Variants in AHCTF1 observed in about 807,000 individuals in gnomAD.
AHCTF1 encodes protein ELYS.
In AHCTF1, 24 loss-of-function variants were observed where a neutral mutation model predicts 248.4. The observed-to-expected ratio is 0.10, with a 90% CI of 0.07 to 0.14. AHCTF1 has a LOEUF of 0.14. Among genes scored for constraint, AHCTF1 ranks in the 10% least tolerant of loss-of-function variants. AHCTF1 has a pLI of 1.00. For synonymous variants in AHCTF1, 786 were observed against 929.8 expected (o/e 0.85, Z 2.81); for missense variants, 2,206 against 2,636.2 (o/e 0.84, Z 3.57).
At chr1:246,878,075 G>A (rs1340527665) in intron 21 of AHCTF1, among the ~76,000 whole-genome samples, 1 of 151,712 alleles carries the variant, frequency 6.6e-6, no homozygotes, top group African/African-American at 2.4e-5. Flanking sequence ...AGAAACACCA[G>A]CAAAAATTGC....
rs115677671 is a variant in AHCTF1 at position 246,890,864 on chromosome 1, G to A, written c.2050+92C>T. On this transcript the variant is annotated intron_variant, in intron 16 of 35. Transcript: ENST00000648844. ...AAGGAGAAAAATAAGTGAGGTGGAA[G>A]AAAAGAAACCCAAAGCATTAGAATA... The A allele has an allele frequency of 5.5e-4, 436 of 797,688 alleles. 2 individuals carry two copies. The African/African-American group carries it at 7.2e-3, about 13-fold the overall frequency. The allele number at this position is 797,688 out of a possible 1,614,324, so 49.4% of individuals were successfully genotyped here.
chr1:246,861,688 C>T (rs1283079939), intron 28 of AHCTF1, among the ~76,000 whole-genome samples: 2 of 152,164 alleles, frequency 1.3e-5, no homozygotes, highest in Non-Finnish European at 2.9e-5. Flanking sequence ...GAATCCTACT[C>T]CCAATTCTAC....
chr1:246,863,850 T>G, intron 27 of AHCTF1, 74 bp downstream of exon 27: 1 of 1,478,278 alleles, frequency 6.8e-7, no homozygotes, highest in East Asian at 2.3e-5. Flanking sequence ...ATAAATTGCT[T>G]ATTTTTCTCC....
chr1:246,872,344 C>T (rs1393858315), intron 24 of AHCTF1, among the ~76,000 whole-genome samples: 2 of 151,954 alleles, frequency 1.3e-5, no homozygotes, highest in Non-Finnish European at 2.9e-5. Flanking sequence ...ACAGTGATGC[C>T]CCAGGACCCA....
intron 10 of AHCTF1, 81 bp downstream of exon 10, chr1:246,899,984 A>G (rs1664879985): frequency 7.3e-7 from 1 of 1,368,770 alleles, no homozygotes; most frequent in Non-Finnish European, 1.0e-6. Context: ...ATAACACTAA[A>G]TGAATAAACT....
At chr1:246,921,362 G>A (rs1343671944) in intron 1 of AHCTF1, among the ~76,000 whole-genome samples, 4 of 152,118 alleles carry the variant, frequency 2.6e-5, no homozygotes, top group Admixed American at 2.0e-4. Flanking sequence ...TCACTGCACC[G>A]TGATCTTCTC....
rs142087876 is a variant in AHCTF1, at chr1:246,902,766, C to T, written c.967-91G>A. 9.5e-4 allele frequency: 1,208 copies of T among 1,277,596 alleles called. 15 individuals are homozygous for T. The African/African-American group carries it at 0.016, about 17-fold the overall frequency. 79.1% of individuals were successfully genotyped at this position (1,277,596 alleles called of 1,614,324 possible). On this transcript the variant is annotated intron_variant, in intron 7 of 35. Coordinates refer to ENST00000648844, the MANE Select transcript of AHCTF1 (RefSeq NM_001323342.2). ...ATTCTCCAAATTTAAAGATTGTTCA[C>T]ACAATACAAAGAAAACAATTTAGAC...
At position 246,898,339 on chromosome 1, in the gene AHCTF1, G is replaced by GT; in HGVS notation, c.1495-4dup. 6.2e-7 allele frequency: 1 copy of GT among 1,609,850 alleles called. No homozygotes were observed. Among genetic ancestry groups the GT allele is most frequent in the South Asian group, 1.1e-5 (1 of 89,888 alleles). ...GATTTCTTTAAAAAAGTCAAAGTCTGTAACAGATAAATTAGTAAGGCATCA... is the reference window on the plus strand; with the variant it reads ...GATTTCTTTAAAAAAGTCAAAGTCTGTTAACAGATAAATTAGTAAGGCATCA... On this transcript the variant is annotated splice_polypyrimidine_tract_variant and splice_region_variant and intron_variant, in intron 11 of 35. Transcript: ENST00000648844.
intron 35 of AHCTF1, among the ~76,000 whole-genome samples, chr1:246,842,292 C>T (rs1200761956): frequency 6.6e-6 from 1 of 151,968 alleles, no homozygotes; most frequent in Non-Finnish European, 1.5e-5. Flanking sequence ...ATAAAAATTA[C>T]AGAACAAGGC....
intron 26 of AHCTF1, among the ~76,000 whole-genome samples, chr1:246,865,849 C>G (rs1388168290): frequency 1.3e-5 from 2 of 152,106 alleles, no homozygotes; most frequent in Non-Finnish European, 2.9e-5. Flanking sequence ...AATATTCTTT[C>G]AGAACTAACC....
At chr1:246,884,707 G>A (rs960505801) in intron 21 of AHCTF1, among the ~76,000 whole-genome samples, 1 of 152,168 alleles carries the variant, frequency 6.6e-6, no homozygotes, top group East Asian at 1.9e-4. Context: ...ACACTGATTA[G>A]AGAACATTAA....
At chr1:246,868,065 C>T (rs1049232231) in intron 24 of AHCTF1, among the ~76,000 whole-genome samples, 23 of 151,550 alleles carry the variant, frequency 1.5e-4, no homozygotes, top group African/African-American at 1.9e-4. Context: ...TGGGTTCAAG[C>T]GATTCTCCTG....
intron 24 of AHCTF1, among the ~76,000 whole-genome samples, chr1:246,868,076 C>A (rs995158038): frequency 1.3e-5 from 2 of 151,814 alleles, no homozygotes; most frequent in Non-Finnish European, 2.9e-5. Context: ...GATTCTCCTG[C>A]CTCAGCCTCC....
rs186156007 is a variant in AHCTF1, at chr1:246,861,910, T to C, written c.3735+49A>G. On this transcript the variant is annotated intron_variant, in intron 28 of 35. Transcript: ENST00000648844. The stretch of plus-strand genomic sequence containing the variant: ...CTAACTTTTTACTTGTCAGAGCTAA[T>C]ACATTCTTATTAAAAAATGTCTTTT... The C allele has an allele frequency of 5.6e-5, 83 of 1,482,904 alleles. 1 individual carries two copies. In the East Asian group the frequency reaches 1.7e-3, roughly 31 times the overall value. 91.9% of individuals were successfully genotyped at this position (1,482,904 alleles called of 1,614,324 possible).
At chr1:246,859,410 A>C (rs1487253277) in intron 29 of AHCTF1, among the ~76,000 whole-genome samples, 40 of 152,164 alleles carry the variant, frequency 2.6e-4, no homozygotes, top group Admixed American at 2.6e-3. Context: ...ACTGGATTCT[A>C]AGTGTTTGTC....
At chr1:246,886,923 C>T (rs1663857485) in intron 20 of AHCTF1, among the ~76,000 whole-genome samples, 2 of 152,120 alleles carry the variant, frequency 1.3e-5, no homozygotes, top group South Asian at 4.1e-4. Context: ...CATGGTTCCC[C>T]CAACACCCCA....
At chr1:246,883,164 GT>G (rs2103120517) in intron 21 of AHCTF1, among the ~76,000 whole-genome samples, 1 of 152,344 alleles carries the variant, frequency 6.6e-6, no homozygotes, top group Admixed American at 6.5e-5. Context: ...CGGGGAGAGT[GT>G]TAGTGTTTGA....
intron 31 of AHCTF1, among the ~76,000 whole-genome samples, chr1:246,854,533 T>C (rs1162400604): frequency 6.6e-6 from 1 of 152,122 alleles, no homozygotes; most frequent in East Asian, 1.9e-4. Context: ...AAGAACAGGA[T>C]TAATCTATAT....
Position 246,850,632 on chromosome 1 carries a change from C to T in AHCTF1, c.5374G>A (p.Asp1792Asn). 1 of 1,613,782 alleles carries T rather than the reference C, an allele frequency of 6.2e-7. No homozygotes were observed. The highest frequency in any genetic ancestry group is 1.1e-5 in the South Asian group (1 of 91,052). The change falls in exon 33 of 36, where the codon GAT becomes AAT. Residue 1792 changes from aspartate to asparagine, a missense_variant. Transcript: ENST00000648844. ...TGGTTCTGAGATAGTCCTCTGACAT[C>T]AGAATAGATGTTTTCAGAAGCTTCA... ...ISEASENIYS[D>N]VRGLSQNQQI... is the part of the protein sequence containing the mutation.
Sources: allele counts gnomAD v4.1 joint callset (sites outside exome capture counted in the v4.1 genomes callset), GRCh38; gene constraint gnomAD v4.1.1; transcripts MANE v1.5; gene names NCBI Gene and HGNC (gene_info 2026-07-23, HGNC 2026-07-21).